Variants in RAB38 observed in about 807,000 individuals in gnomAD.
RAB38 encodes the protein RAB38, member RAS oncogene family, also known as ras-related protein Rab-38.
Under a neutral mutation model 18.4 loss-of-function variants are expected in RAB38, and 15 were observed. That is an observed-to-expected ratio of 0.82 (90% CI 0.55 to 1.26). RAB38 has a LOEUF of 1.26. Among genes scored for constraint, RAB38 ranks in the 50% most tolerant of loss-of-function variants. The probability of loss-of-function intolerance (pLI) is 0.00; values close to 1 mark genes in which losing one functional copy is unlikely to be tolerated. For missense variants in RAB38, 294 were observed against 267.4 expected (o/e 1.10, Z -0.69); for synonymous variants, 101 against 104.4 (o/e 0.97, Z 0.20).
chr11:87,885,102 T>C, the RAB38 span, among the ~76,000 whole-genome samples: 1 of 152,002 alleles, frequency 6.6e-6, no homozygotes, highest in Admixed American at 6.6e-5. Flanking sequence ...GTAATCAGAA[T>C]TGGGAACTAC....
the RAB38 span, among the ~76,000 whole-genome samples, chr11:87,844,575 T>G: frequency 6.6e-6 from 1 of 152,224 alleles, no homozygotes. Flanking sequence ...TACTAACCAC[T>G]ATGTTCTATT....
the RAB38 span, among the ~76,000 whole-genome samples, chr11:87,931,401 G>A: frequency 5.3e-5 from 8 of 152,022 alleles, no homozygotes; most frequent in Non-Finnish European, 7.4e-5. Context: ...AAGATGAGAA[G>A]GTGTAGACAG....
chr11:88,149,260 T>G (rs1339405561), intron 2 of RAB38, among the ~76,000 whole-genome samples: 1 of 152,246 alleles, frequency 6.6e-6, no homozygotes, highest in East Asian at 1.9e-4. Flanking sequence ...CAATTCCTGA[T>G]GTACAGGTGA....
At chr11:87,900,305 A>C in the RAB38 span, among the ~76,000 whole-genome samples, 1 of 151,528 alleles carries the variant, frequency 6.6e-6, no homozygotes, top group Non-Finnish European at 1.5e-5. Flanking sequence ...ATCAGCTAAC[A>C]AACACTCCCA....
chr11:87,951,638 C>G, the RAB38 span, among the ~76,000 whole-genome samples: 1 of 152,122 alleles, frequency 6.6e-6, no homozygotes, highest in Non-Finnish European at 1.5e-5. Context: ...AGCTGCAGGT[C>G]TGTTGGAGTT....
the RAB38 span, among the ~76,000 whole-genome samples, chr11:87,870,656 A>C: frequency 1.3e-5 from 2 of 151,604 alleles, no homozygotes; most frequent in African/African-American, 4.8e-5. Context: ...TGCCCACATA[A>C]ATTGGAGCAG....
At chr11:87,970,525 G>T in the RAB38 span, among the ~76,000 whole-genome samples, 5 of 151,962 alleles carry the variant, frequency 3.3e-5, no homozygotes, top group African/African-American at 1.2e-4. Flanking sequence ...CCAAGTTCCC[G>T]CCCTAGGCAT....
the RAB38 span, among the ~76,000 whole-genome samples, chr11:87,928,982 G>A: frequency 5.9e-5 from 9 of 152,066 alleles, no homozygotes; most frequent in Non-Finnish European, 7.4e-5. Context: ...GTGTGTGGTC[G>A]TGTATACCTG....
chr11:87,833,063 C>G, the RAB38 span, among the ~76,000 whole-genome samples: 1 of 152,156 alleles, frequency 6.6e-6, no homozygotes, highest in Non-Finnish European at 1.5e-5. Flanking sequence ...GACTTCTAAA[C>G]AGTTTATCTG....
At chr11:87,948,747 G>C in the RAB38 span, among the ~76,000 whole-genome samples, 1 of 147,964 alleles carries the variant, frequency 6.8e-6, no homozygotes, top group African/African-American at 2.6e-5. Flanking sequence ...AAGCCCACTT[G>C]ATCATGGTGG....
intron 2 of RAB38, among the ~76,000 whole-genome samples, chr11:88,127,451 T>C (rs1393269540): frequency 6.6e-6 from 1 of 152,186 alleles, no homozygotes; most frequent in Non-Finnish European, 1.5e-5. Flanking sequence ...CTAATGTTCC[T>C]CTTCACACAG....
the RAB38 span, among the ~76,000 whole-genome samples, chr11:87,968,346 G>T: frequency 6.6e-6 from 1 of 152,052 alleles, no homozygotes; most frequent in African/African-American, 2.4e-5. Context: ...TCAAGGTGTG[G>T]CTGGGCACAT....
chr11:88,049,240 CTAAG>C, the RAB38 span, among the ~76,000 whole-genome samples: 1 of 152,182 alleles, frequency 6.6e-6, no homozygotes, highest in East Asian at 1.9e-4. Context: ...TGAGCCAAAG[CTAAG>C]CCATCACATC....
the RAB38 span, among the ~76,000 whole-genome samples, chr11:88,076,025 A>G: frequency 6.6e-6 from 1 of 151,580 alleles, no homozygotes; most frequent in Admixed American, 6.6e-5. Context: ...ATTAAAATTG[A>G]AAATAATAAA....
the RAB38 span, among the ~76,000 whole-genome samples, chr11:87,810,555 A>C: frequency 6.6e-6 from 1 of 152,260 alleles, no homozygotes; most frequent in Non-Finnish European, 1.5e-5. Flanking sequence ...AATAAGGAAG[A>C]ATATGTACCA....
At chr11:87,864,849 C>T in the RAB38 span, among the ~76,000 whole-genome samples, 16 of 151,732 alleles carry the variant, frequency 1.1e-4, no homozygotes, top group African/African-American at 2.4e-4. Flanking sequence ...ATATCGCAGA[C>T]GAGCAGTTCT....
At chr11:87,825,621 A>G in the RAB38 span, among the ~76,000 whole-genome samples, 2 of 152,144 alleles carry the variant, frequency 1.3e-5, no homozygotes, top group African/African-American at 4.8e-5. Context: ...AATGTCATAT[A>G]TTGAAGAATC....
chr11:87,976,715 T>A, the RAB38 span, among the ~76,000 whole-genome samples: 2 of 115,580 alleles, frequency 1.7e-5, no homozygotes, highest in African/African-American at 6.9e-5. Flanking sequence ...CATATTTATA[T>A]TTCTATATAT....
chr11:87,861,637 A>T, the RAB38 span, among the ~76,000 whole-genome samples: 8 of 151,856 alleles, frequency 5.3e-5, no homozygotes, highest in South Asian at 4.1e-4. Flanking sequence ...GTTTTGAGAA[A>T]GCCAAAATTT....
Sources: gnomAD v4.1 joint callset for allele counts (sites outside exome capture counted in the v4.1 genomes callset) on GRCh38, gnomAD v4.1.1 for gene constraint, MANE v1.5 for transcripts, NCBI Gene and HGNC (gene_info 2026-07-23, HGNC 2026-07-21) for gene names.